The following CDH9 variants were observed in gnomAD, a reference collection of about 807,000 sequenced individuals.
CDH9 encodes cadherin-9.
A neutral mutation model predicts 70.9 loss-of-function variants in CDH9; 28 were observed. That is an observed-to-expected ratio of 0.40 (90% CI 0.29 to 0.54). The LOEUF is 0.54. Among genes scored for constraint, CDH9 ranks in the 20% least tolerant of loss-of-function variants. CDH9 has a pLI of 0.59. For synonymous variants in CDH9, 409 were observed against 343.1 expected, an observed-to-expected ratio of 1.19 and a Z score of -2.12; for missense variants, 874 against 984.4, an observed-to-expected ratio of 0.89 and a Z score of 1.50.
intron 1 of CDH9, among the ~76,000 whole-genome samples, chr5:27,015,613 A>C (rs765947): frequency 0.039 from 5,909 of 151,658 alleles, 146 homozygotes; most frequent in Non-Finnish European, 0.053. Context: ...GTTGCCTGTT[A>C]CTAAATATAA....
intron 3 of CDH9, among the ~76,000 whole-genome samples, chr5:26,910,935 G>A (rs752437188): frequency 1.3e-5 from 2 of 152,188 alleles, no homozygotes; most frequent in African/African-American, 2.4e-5. Flanking sequence ...AGAAGTAGGG[G>A]TGATGTTTTC....
chr5:26,954,635 C>T (rs1741914108), intron 2 of CDH9, among the ~76,000 whole-genome samples: 1 of 151,900 alleles, frequency 6.6e-6, no homozygotes, highest in South Asian at 2.1e-4. Context: ...CCGCCTGTCT[C>T]GGCCTCCTAA....
chr5:26,994,049 T>A (rs955312354), intron 1 of CDH9, among the ~76,000 whole-genome samples: 5 of 152,172 alleles, frequency 3.3e-5, no homozygotes, highest in Non-Finnish European at 7.3e-5. Flanking sequence ...TTCTTATTCC[T>A]CCCTTTTAGA....
At position 26,910,401 on chromosome 5, in the gene CDH9, C is replaced by A. The variant is rs532858844; in HGVS notation, c.524-3563G>T. Among the ~76,000 whole-genome samples, 10 of 152,222 alleles carry A rather than the reference C, an allele frequency of 6.6e-5. No individual in the cohort carries two copies. The East Asian group carries it at 1.9e-3, about 29-fold the overall frequency. On this transcript the variant is annotated intron_variant, in intron 3 of 11. Coordinates refer to ENST00000231021, the MANE Select transcript of CDH9 (RefSeq NM_016279.4). ...GAGAAGGGGAAATACTGCCTTTATT[C>A]TTCTTTAACAAACAGCAACTTTGTG...
In CDH9 at chr5:26,944,384, C is replaced by T. The variant is rs373769061; in HGVS notation, c.229-28460G>A. Among the ~76,000 whole-genome samples, 8 of 152,274 alleles carry T rather than the reference C, an allele frequency of 5.3e-5. 1 individual carries two copies. Among genetic ancestry groups the T allele is most frequent in the African/African-American group, 1.9e-4 (8 of 41,552 alleles). On this transcript the variant is annotated intron_variant, in intron 2 of 11. Transcript: ENST00000231021. Reference sequence around the variant, plus strand: ...AAAGGATAACTTGGTTGGGCAGAATCTCATGCCTGTAATCCCAGCACTTTG... The same window carrying T: ...AAAGGATAACTTGGTTGGGCAGAATTTCATGCCTGTAATCCCAGCACTTTG...
rs574588048 is a variant in CDH9, at chr5:27,024,899, G to A, written c.-50+13564C>T. ...GGTGCAGGAAAGTAGGAGACATAGAGTTAGCACGGATCAAAAGTCATAAAT... is the reference window on the plus strand; with the variant it reads ...GGTGCAGGAAAGTAGGAGACATAGAATTAGCACGGATCAAAAGTCATAAAT... On this transcript the variant is annotated intron_variant, in intron 1 of 11. Coordinates refer to ENST00000231021, the MANE Select transcript of CDH9 (RefSeq NM_016279.4). Among the ~76,000 whole-genome samples, 62 of 152,142 alleles carry A rather than the reference G, an allele frequency of 4.1e-4. 1 individual carries two copies. Among genetic ancestry groups the A allele is most frequent in the African/African-American group, 1.4e-3 (60 of 41,552 alleles).
intron 1 of CDH9, among the ~76,000 whole-genome samples, chr5:27,036,475 CAAT>C (rs1743394331): frequency 1.3e-5 from 2 of 151,874 alleles, no homozygotes; most frequent in Admixed American, 6.6e-5. Context: ...GCAATGAATG[CAAT>C]AACAGTAGCA....
chr5:27,019,356 TG>T (rs1743098125), intron 1 of CDH9, among the ~76,000 whole-genome samples: 2 of 152,014 alleles, frequency 1.3e-5, no homozygotes, highest in African/African-American at 4.8e-5. Context: ...TTTGATCTTT[TG>T]TTTTTTTCTA....
At chr5:26,891,754 AAG>A (rs1350303520) in intron 7 of CDH9, among the ~76,000 whole-genome samples, 1 of 152,170 alleles carries the variant, frequency 6.6e-6, no homozygotes, top group African/African-American at 2.4e-5. Context: ...AGAAGAAAAA[AAG>A]AGAAGAGATT....
At chr5:26,890,152 G>C (rs1203437282) in intron 8 of CDH9, among the ~76,000 whole-genome samples, 195 bp from the exon 9 acceptor site, 2 of 152,116 alleles carry the variant, frequency 1.3e-5, no homozygotes, top group East Asian at 3.8e-4. Flanking sequence ...AATTGAGAAT[G>C]AAGTATTATT....
chr5:26,977,337 C>T (rs1473029559), intron 2 of CDH9, among the ~76,000 whole-genome samples: 1 of 151,756 alleles, frequency 6.6e-6, no homozygotes, highest in African/African-American at 2.4e-5. Context: ...CATGACCAGA[C>T]AGAAAAATAA....
At chr5:26,898,693 C>T (rs548133295) in intron 7 of CDH9, among the ~76,000 whole-genome samples, 9 of 152,098 alleles carry the variant, frequency 5.9e-5, no homozygotes, top group Non-Finnish European at 8.8e-5. Flanking sequence ...AAGACATAAA[C>T]GTAAGACCTA....
chr5:26,977,102 C>A (rs896268712), intron 2 of CDH9, among the ~76,000 whole-genome samples: 2 of 151,944 alleles, frequency 1.3e-5, no homozygotes, highest in Non-Finnish European at 2.9e-5. Context: ...AGTCCATCTT[C>A]AAATATGCCC....
chr5:26,915,973 T>C (rs372880810), intron 2 of CDH9, 49 bp from the exon 3 acceptor site: 8 of 1,274,874 alleles, frequency 6.3e-6, no homozygotes, highest in Non-Finnish European at 8.8e-6. Context: ...ACATTATCAT[T>C]ACATAAAACA....
At chr5:26,986,271 T>C (rs1417391462) in intron 2 of CDH9, among the ~76,000 whole-genome samples, 2 of 151,926 alleles carry the variant, frequency 1.3e-5, no homozygotes. Flanking sequence ...CAAGAATAAA[T>C]TGGCAAAAAA....
At chr5:26,892,531 G>A (rs1740678069) in intron 7 of CDH9, among the ~76,000 whole-genome samples, 1 of 152,140 alleles carries the variant, frequency 6.6e-6, no homozygotes, top group Non-Finnish European at 1.5e-5. Flanking sequence ...AGCCTCTGCT[G>A]TAGTCCTCAT....
At chr5:26,931,561 A>T (rs1479931251) in intron 2 of CDH9, among the ~76,000 whole-genome samples, 2 of 152,208 alleles carry the variant, frequency 1.3e-5, no homozygotes, top group East Asian at 3.8e-4. Flanking sequence ...ACATTGCGTG[A>T]GTAAAGAGTA....
chr5:26,897,069 A>G (rs1379354422), intron 7 of CDH9, among the ~76,000 whole-genome samples: 1 of 152,086 alleles, frequency 6.6e-6, no homozygotes, highest in Non-Finnish European at 1.5e-5. Context: ...AAAAAACTAG[A>G]AGAAATTCAT....
In CDH9 at chr5:26,880,773, C is replaced by A. The variant is rs1406005292; in HGVS notation, c.*363G>T. The stretch of plus-strand genomic sequence containing the variant: ...CATATTAATTTACAAAGCGGTTGCA[C>A]AATATTTAGTTTAATTGTAAAGGTG... On this transcript the variant is annotated 3_prime_UTR_variant, in exon 12 of 12. Coordinates refer to ENST00000231021, the MANE Select transcript of CDH9 (RefSeq NM_016279.4). 2 of 161,908 alleles carry A rather than the reference C, an allele frequency of 1.2e-5. No homozygotes were observed. Among genetic ancestry groups the A allele is most frequent in the Non-Finnish European group, 2.7e-5 (2 of 74,724 alleles). 10.0% of individuals were successfully genotyped at this position (161,908 alleles called of 1,614,324 possible).
Sources: gnomAD v4.1 joint callset for allele counts (sites outside exome capture counted in the v4.1 genomes callset) on GRCh38, gnomAD v4.1.1 for gene constraint, MANE v1.5 for transcripts, NCBI Gene and HGNC (gene_info 2026-07-23, HGNC 2026-07-21) for gene names.